C1S: variants seen among roughly 807,000 people sequenced by gnomAD.
C1S encodes complement C1s, also known as complement C1s subcomponent.
A neutral mutation model predicts 54.0 loss-of-function variants in C1S; 31 were observed. The observed-to-expected ratio is 0.57, with a 90% confidence interval of 0.43 to 0.78. The LOEUF is 0.78. C1S is among the 30% of genes least tolerant of loss of function. C1S has a pLI of 0.00. For missense variants in C1S, 727 were observed against 851.8 expected (o/e 0.85, Z 1.82); for synonymous variants, 292 against 303.6 (o/e 0.96, Z 0.40).
chr12:7,062,603 C>T lies in C1S; in HGVS notation c.134C>T (p.Pro45Leu). The change falls in exon 3 of 12, where the codon CCT becomes CTT. Residue 45 changes from proline to leucine, a missense_variant. Physicochemically the swap from Pro to Leu is moderately conservative, Grantham distance 98. Transcript: ENST00000360817. Reference protein sequence around the residue: ...EVEKSWDIEVPEGYGIHLYFT... With the variant: ...EVEKSWDIEVLEGYGIHLYFT... ...GAGAAATCTTGGGACATAGAAGTTC[C>T]TGAAGGGTATGGGATTCACCTCTAC... 6.2e-7 allele frequency: 1 copy of T among 1,614,164 alleles called. No homozygotes were observed. The highest frequency in any genetic ancestry group is 8.5e-7 in the Non-Finnish European group (1 of 1,180,038).
At chr12:7,064,772 G>A (rs971851638) in intron 5 of C1S, among the ~76,000 whole-genome samples, 1 of 152,114 alleles carries the variant, frequency 6.6e-6, no homozygotes, top group African/African-American at 2.4e-5. Flanking sequence ...AAGCTGAGAT[G>A]AAGCCACAAG....
rs782615357 is a variant in C1S at position 7,062,669 on chromosome 12, A to G, written c.200A>G (p.Tyr67Cys). ...LDIELSENCA[Y>C]DSVQIISGDT... ...ATTGAGCTGTCAGAGAACTGTGCGTATGACTCAGTGCAGGTATGTTATAAG... is the reference window on the plus strand; with the variant it reads ...ATTGAGCTGTCAGAGAACTGTGCGTGTGACTCAGTGCAGGTATGTTATAAG... Residue 67 changes from tyrosine (Y) to cysteine (C), a missense_variant, in exon 3 of 12, where the codon TAT (tyrosine) becomes TGT (cysteine). Tyr to Cys is a radical substitution (Grantham distance 194). This residue lies in a region of C1S where 357 missense variants were observed against 365.4 expected (regional missense o/e 0.98). Transcript: ENST00000360817. 8 of 1,613,670 alleles carry G rather than the reference A, an allele frequency of 5.0e-6. No homozygotes were observed. In the South Asian group the frequency reaches 7.7e-5, roughly 16 times the overall value.
In C1S at chr12:7,065,902, T is replaced by TTG. The variant is rs782613115; in HGVS notation, c.804_805dup (p.Asp269ValfsTer9). ...AATATTGAAACCAAGAGTAATGCTCTTGATATCATCTTCCAAACTGATCTA... is the reference window on the plus strand; with the variant it reads ...AATATTGAAACCAAGAGTAATGCTCTTGTGATATCATCTTCCAAACTGATCTA... On this transcript the variant is annotated frameshift_variant, in exon 7 of 12. Coordinates refer to ENST00000360817, the MANE Select transcript of C1S (RefSeq NM_001734.5). LOFTEE classifies it high-confidence loss of function. The TTG allele has an allele frequency of 1.9e-6, 3 of 1,613,316 alleles. No individual in the cohort carries two copies. Among genetic ancestry groups the TTG allele is most frequent in the Non-Finnish European group, 2.5e-6 (3 of 1,179,574 alleles).
At chr12:7,066,464 G>A (rs1196234451) in intron 7 of C1S, 54 bp from the exon 8 acceptor site, 2 of 973,058 alleles carry the variant, frequency 2.1e-6, no homozygotes, top group Admixed American at 1.7e-5. Context: ...TAGAATGAGA[G>A]TCTTCAACTA....
intron 10 of C1S, 36 bp downstream of exon 10, chr12:7,067,807 T>C: frequency 1.3e-6 from 2 of 1,579,944 alleles, no homozygotes; most frequent in Non-Finnish European, 1.7e-6. Context: ...AGAGAGAGAG[T>C]GAGAAGGTGT....
At chr12:7,062,108 A>T (rs1054230830) in intron 2 of C1S, 191 bp downstream of exon 2, 19 of 150,536 alleles carry the variant, frequency 1.3e-4, no homozygotes, top group African/African-American at 4.5e-4. Context: ...TGTCTCTATT[A>T]AAAAAAAAAA....
At chr12:7,068,425 A>G in intron 10 of C1S, 31 bp from the exon 11 acceptor site, 1 of 1,509,212 alleles carries the variant, frequency 6.6e-7, no homozygotes, top group Non-Finnish European at 9.2e-7. Flanking sequence ...TGTGGTGGTG[A>G]GTGTGGCCTG....
At chr12:7,065,752 C>A in intron 6 of C1S, 65 bp from the exon 7 acceptor site, 1 of 1,346,860 alleles carries the variant, frequency 7.4e-7, no homozygotes, top group South Asian at 1.2e-5. Context: ...TTTGTATCTC[C>A]CACTTCCCAA....
intron 9 of C1S, 49 bp downstream of exon 9, chr12:7,067,166 T>C (rs782328086): frequency 8.1e-7 from 1 of 1,228,108 alleles, no homozygotes; most frequent in Non-Finnish European, 1.2e-6. Context: ...TCAGAGAGAA[T>C]GGAAAGATCA....
intron 6 of C1S, 87 bp downstream of exon 6, chr12:7,065,386 T>G: frequency 3.2e-6 from 3 of 946,672 alleles, no homozygotes; most frequent in Non-Finnish European, 5.1e-6. Context: ...TACAGCATCT[T>G]TCTCTGTTGC....
At chr12:7,063,991 A>G in intron 4 of C1S, 1 of 518,304 alleles carries the variant, frequency 1.9e-6, no homozygotes, top group Non-Finnish European at 3.7e-6. Flanking sequence ...CCAAGATCCC[A>G]CCACTGCACT....
chr12:7,067,253 C>T (rs898510872), intron 9 of C1S, 136 bp downstream of exon 9: 14 of 726,874 alleles, frequency 1.9e-5, no homozygotes, highest in Non-Finnish European at 3.2e-5. Flanking sequence ...GGAAGCCAGT[C>T]ATGGAAGCTT....
At chr12:7,062,394 T>C in intron 2 of C1S, 81 bp from the exon 3 acceptor site, 1 of 1,032,034 alleles carries the variant, frequency 9.7e-7, no homozygotes, top group Non-Finnish European at 1.5e-6. Context: ...TCCCCCTTTC[T>C]TCTGCCTCTG....
chr12:7,066,234 T>TC, intron 7 of C1S: 2 of 609,458 alleles, frequency 3.3e-6, no homozygotes, highest in Admixed American at 5.8e-5. Context: ...TCTGATAGAA[T>TC]CCTGAGATAC....
chr12:7,065,697 C>T, intron 6 of C1S, 120 bp from the exon 7 acceptor site: 5 of 875,566 alleles, frequency 5.7e-6, no homozygotes, highest in Non-Finnish European at 5.7e-6. Flanking sequence ...TTTCTCCTGA[C>T]CCTTATTTTC....
At position 7,070,236 on chromosome 12, in the gene C1S, C is replaced by T. The variant is rs1555163004; in HGVS notation, c.1652C>T (p.Pro551Leu). 12 of 1,614,116 alleles carry T rather than the reference C, an allele frequency of 7.4e-6. No individual in the cohort carries two copies. Among genetic ancestry groups the T allele is most frequent in the Non-Finnish European group, 1.0e-5 (12 of 1,179,950 alleles). The change falls in exon 12 of 12, where the codon CCA becomes CTA. Residue 551 changes from proline to leucine, a missense_variant. By Grantham distance (98) the Pro-to-Leu change is moderately conservative. Coordinates refer to ENST00000360817, the MANE Select transcript of C1S (RefSeq NM_001734.5). The surrounding 1 kb of genome is among the most constrained non-coding windows in gnomAD (Gnocchi z 4.9). ...MGPTVSPICLPGTSSDYNLMD... is the reference protein window; with the variant it reads ...MGPTVSPICLLGTSSDYNLMD... ...CCCACCGTCTCTCCCATCTGCCTAC[C>T]AGGCACCTCTTCCGACTACAACCTC...
chr12:7,065,776 C>G, intron 6 of C1S, 41 bp from the exon 7 acceptor site: 1 of 1,591,220 alleles, frequency 6.3e-7, no homozygotes, highest in Non-Finnish European at 8.6e-7. Flanking sequence ...TACCTCTTCC[C>G]TTTAGTTCTT....
rs56123147 is a variant in C1S at position 7,062,867 on chromosome 12, T to G, written c.214-23T>G. The G allele has an allele frequency of 7.5e-3, 12,045 of 1,612,594 alleles. 94 individuals are homozygous for G. The highest frequency in any genetic ancestry group is 7.6e-3 in the Non-Finnish European group (9,003 of 1,179,544). ...CAAAATATTACCCTTTCCTAGATTTTTTTTTTGTGACTCTTCTCTTAGATA... is the reference window on the plus strand; with the variant it reads ...CAAAATATTACCCTTTCCTAGATTTGTTTTTTGTGACTCTTCTCTTAGATA... On this transcript the variant is annotated intron_variant, in intron 3 of 11. Transcript: ENST00000360817.
At position 7,065,242 on chromosome 12, in the gene C1S, A is replaced by G. The variant is rs1947157051; in HGVS notation, c.660A>G (p.Arg220=). ...TCCAAGTGGTGGTGACCTTGCGGAGAGAAGATTTTGATGTGGAAGCAGCTG... is the reference window on the plus strand; with the variant it reads ...TCCAAGTGGTGGTGACCTTGCGGAGGGAAGATTTTGATGTGGAAGCAGCTG... ...KGFQVVVTLR[R]EDFDVEAADS... The change falls in exon 6 of 12, where the codon AGA becomes AGG. Residue 220 remains arginine (R), a synonymous_variant. Coordinates refer to ENST00000360817, the MANE Select transcript of C1S (RefSeq NM_001734.5). 3.5e-5 allele frequency: 57 copies of G among 1,614,138 alleles called. No individual in the cohort carries two copies. Among genetic ancestry groups the G allele is most frequent in the Non-Finnish European group, 4.7e-5 (56 of 1,180,012 alleles).
Sources: allele counts gnomAD v4.1 joint callset (sites outside exome capture counted in the v4.1 genomes callset), GRCh38; gene constraint gnomAD v4.1.1; regional missense constraint gnomAD v4.1.1; non-coding constraint Gnocchi (gnomAD v3.1); transcripts MANE v1.5; gene names NCBI Gene and HGNC (gene_info 2026-07-23, HGNC 2026-07-21).